NUP205: variants seen among roughly 807,000 people sequenced by gnomAD.
The protein encoded by NUP205 is nucleoporin 205, also known as nuclear pore complex protein Nup205.
In NUP205, 76 loss-of-function variants were observed where a neutral mutation model predicts 253.8. The observed-to-expected ratio is 0.30, with a 90% CI of 0.25 to 0.36. The LOEUF is 0.36. Among genes scored for constraint, NUP205 ranks in the 10% least tolerant of loss-of-function variants. NUP205 has a pLI of 1.00. For missense variants in NUP205, 2,162 were observed against 2,425.5 expected (o/e 0.89, Z 2.28); for synonymous variants, 832 against 850.1 (o/e 0.98, Z 0.37).
At chr7:135,628,364 C>T (rs1028429254) in intron 34 of NUP205, among the ~76,000 whole-genome samples, 1 of 152,036 alleles carries the variant, frequency 6.6e-6, no homozygotes, top group Non-Finnish European at 1.5e-5. Flanking sequence ...GAAATTTGTT[C>T]TTCTATAAAA....
At chr7:135,598,425 A>G (rs1793894096) in intron 15 of NUP205, among the ~76,000 whole-genome samples, 1 of 152,240 alleles carries the variant, frequency 6.6e-6, no homozygotes, top group Non-Finnish European at 1.5e-5. Context: ...CAGTAATCTA[A>G]TTGATAGGAG....
rs1015559990 is a variant in NUP205 at position 135,648,409 on chromosome 7, G to A, written c.5892G>A (p.Gln1964=). Residue 1964 remains glutamine, a synonymous_variant, in exon 43 of 43, where the codon CAG becomes CAA. Coordinates refer to ENST00000285968, the MANE Select transcript of NUP205 (RefSeq NM_015135.3). ...IVSQHDLDQL[Q]ADAINAFGES... The stretch of plus-strand genomic sequence containing the variant: ...GTCTTTTGTGTCACCGCTAGCTTCA[G>A]GCTGATGCAATCAACGCTTTTGGAG... 6.3e-7 allele frequency: 1 copy of A among 1,585,016 alleles called. No homozygotes were observed. The highest frequency in any genetic ancestry group is 1.4e-5 in the African/African-American group (1 of 72,720).
At chr7:135,570,638 A>G (rs1054309368) in intron 1 of NUP205, among the ~76,000 whole-genome samples, 1 of 135,572 alleles carries the variant, frequency 7.4e-6, no homozygotes, top group Non-Finnish European at 1.5e-5. Flanking sequence ...TGATATTTAT[A>G]TAATTAGCAA....
In NUP205 at chr7:135,598,207, G is replaced by A; in HGVS notation, c.2274G>A (p.Lys758=). ...GAGCTTACCGGAGAGCAGCTGAAAAGGTTATGTTCAGAGAAAAGCTTTTTT... is the reference window on the plus strand; with the variant it reads ...GAGCTTACCGGAGAGCAGCTGAAAAAGTTATGTTCAGAGAAAAGCTTTTTT... ...RTRAYRRAAE[K]WEVAEVVLEV... The change falls in exon 15 of 43, where the codon AAG becomes AAA. Residue 758 remains lysine, a splice_region_variant and synonymous_variant. Coordinates refer to ENST00000285968, the MANE Select transcript of NUP205 (RefSeq NM_015135.3). 1.2e-6 allele frequency: 2 copies of A among 1,613,442 alleles called. No individual in the cohort carries two copies. Among genetic ancestry groups the A allele is most frequent in the South Asian group, 1.1e-5 (1 of 91,034 alleles).
At position 135,606,767 on chromosome 7, in the gene NUP205, G is replaced by T; in HGVS notation, c.2922G>T (p.Lys974Asn). 3 of 1,613,652 alleles carry T rather than the reference G, an allele frequency of 1.9e-6. No individual in the cohort carries two copies. The highest frequency in any genetic ancestry group is 1.1e-5 in the South Asian group (1 of 91,034). ...VRLEEGSELE[K>N]KLVAIRHETR... ...TGCATTAAGGATCAGAACTTGAAAAGAAATTAGTTGCAATTCGTCATGAAA... is the reference window on the plus strand; with the variant it reads ...TGCATTAAGGATCAGAACTTGAAAATAAATTAGTTGCAATTCGTCATGAAA... The change falls in exon 21 of 43, where the codon AAG (lysine) becomes AAT (asparagine). Residue 974 changes from lysine (K) to asparagine (N), a missense_variant. Lys to Asn is a moderately conservative substitution (Grantham distance 94). This residue lies in a region of NUP205 where 1,144 missense variants were observed against 1,280.9 expected (regional missense o/e 0.89). Transcript: ENST00000285968.
chr7:135,617,076 TTTA>T lies in NUP205; in HGVS notation c.3533-8_3533-6del, dbSNP rs779948416. 6 of 1,587,612 alleles carry T rather than the reference TTTA, an allele frequency of 3.8e-6. No homozygotes were observed. The highest frequency in any genetic ancestry group is 2.3e-5 in the South Asian group (2 of 87,886). ...TGTCCCAAGTAAAATCAAATTACTT[TTTA>T]TTATTTCTAGTACGTCGAAAAATTC... On this transcript the variant is annotated splice_polypyrimidine_tract_variant and intron_variant, in intron 25 of 42. Transcript: ENST00000285968.
At chr7:135,590,657 C>T (rs576454386) in intron 10 of NUP205, among the ~76,000 whole-genome samples, 2 of 151,784 alleles carry the variant, frequency 1.3e-5, no homozygotes, top group East Asian at 1.9e-4. Flanking sequence ...CTCAGCCTTT[C>T]GAGTAGTTGG....
At chr7:135,625,833 A>G (rs6973002) in intron 32 of NUP205, among the ~76,000 whole-genome samples, 13,626 of 152,224 alleles carry the variant, frequency 0.09, 861 homozygotes, top group African/African-American at 0.17. Context: ...AAGCACTGAA[A>G]TTTTAGATTC....
At chr7:135,596,742 A>G (rs1793843583) in intron 13 of NUP205, among the ~76,000 whole-genome samples, 1 of 151,704 alleles carries the variant, frequency 6.6e-6, no homozygotes, top group African/African-American at 2.4e-5. Context: ...CTGAGGTCAG[A>G]AGTTTGAGAC....
intron 15 of NUP205, among the ~76,000 whole-genome samples, chr7:135,599,588 A>G (rs1164880399): frequency 1.3e-5 from 2 of 151,694 alleles, no homozygotes; most frequent in Non-Finnish European, 2.9e-5. Flanking sequence ...AGTTGTTTTA[A>G]ATGTCTTATA....
At chr7:135,570,701 AT>A (rs1563109919) in intron 1 of NUP205, among the ~76,000 whole-genome samples, 1 of 91,232 alleles carries the variant, frequency 1.1e-5, no homozygotes, top group Admixed American at 1.4e-4. Context: ...AATATAATTA[AT>A]TATATTAATA....
chr7:135,568,374 C>T (rs541851256), intron 1 of NUP205, among the ~76,000 whole-genome samples: 1 of 150,742 alleles, frequency 6.6e-6, no homozygotes, highest in East Asian at 2.0e-4. Context: ...ACTCTGTCAC[C>T]CAGGCTGGAG....
intron 20 of NUP205, 21 bp from the exon 21 acceptor site, chr7:135,606,730 T>C: frequency 6.2e-7 from 1 of 1,602,224 alleles, no homozygotes; most frequent in Non-Finnish European, 8.5e-7. Context: ...TGTAATTTTG[T>C]TTTGTGATTT....
chr7:135,594,242 A>G (rs530162583), intron 12 of NUP205, among the ~76,000 whole-genome samples: 3 of 152,198 alleles, frequency 2.0e-5, no homozygotes, highest in African/African-American at 7.2e-5. Flanking sequence ...AGGATTTAAG[A>G]TGCCTAGGTA....
intron 22 of NUP205, among the ~76,000 whole-genome samples, chr7:135,612,556 A>G (rs73725193): frequency 1.3e-5 from 2 of 152,164 alleles, no homozygotes. Flanking sequence ...AATGCAAAAA[A>G]CGTGGCACTA....
At chr7:135,632,606 G>C (rs1305225949) in intron 35 of NUP205, among the ~76,000 whole-genome samples, 1 of 152,042 alleles carries the variant, frequency 6.6e-6, no homozygotes, top group South Asian at 2.1e-4. Flanking sequence ...TACAGTGCCA[G>C]CTGAGTTACT....
In NUP205 at chr7:135,638,614, T is replaced by G; in HGVS notation, c.5323T>G (p.Phe1775Val). 6.2e-7 allele frequency: 1 copy of G among 1,613,990 alleles called. No homozygotes were observed. Residue 1775 changes from phenylalanine (F) to valine (V), a missense_variant, in exon 38 of 43, where the codon TTC becomes GTC. Phe to Val is a conservative substitution (Grantham distance 50, BLOSUM62 -1). Around this residue, in one of 5 missense-constraint regions of NUP205, gnomAD observed 1,144 missense variants for 1,280.9 expected, o/e 0.89. Coordinates refer to ENST00000285968, the MANE Select transcript of NUP205 (RefSeq NM_015135.3). ...ACTCATGTTACAGAGTTCCCCTACC[T>G]TCCAGCATGCTGTGTGTCTCTTCAC... Reference protein sequence around the residue: ...QSLMLQSSPTFQHAVCLFTPS... With the variant: ...QSLMLQSSPTVQHAVCLFTPS...
chr7:135,630,943 T>G (rs1794700605), intron 35 of NUP205, among the ~76,000 whole-genome samples: 1 of 151,816 alleles, frequency 6.6e-6, no homozygotes, highest in Non-Finnish European at 1.5e-5. Flanking sequence ...TTTTGTTTTT[T>G]TTTTTTAAGA....
chr7:135,608,241 G>GTC (rs1455878327), intron 22 of NUP205, among the ~76,000 whole-genome samples: 1 of 151,974 alleles, frequency 6.6e-6, no homozygotes, highest in East Asian at 1.9e-4. Context: ...GGCCAGGATG[G>GTC]TCTCAATCTC....
Sources: gnomAD v4.1 joint callset for allele counts (sites outside exome capture counted in the v4.1 genomes callset) on GRCh38, gnomAD v4.1.1 for gene constraint, gnomAD v4.1.1 regional missense constraint, MANE v1.5 for transcripts, NCBI Gene and HGNC (gene_info 2026-07-23, HGNC 2026-07-21) for gene names.